Variants in FBXO41 observed in about 807,000 individuals in gnomAD.
The protein encoded by FBXO41 is F-box only protein 41.
FBXO41 carries 33 observed loss-of-function variants against 81.6 expected under a neutral mutation model. That is an observed-to-expected ratio of 0.40 (90% CI 0.31 to 0.54). FBXO41 has a LOEUF of 0.54. FBXO41 is among the 20% of genes least tolerant of loss of function. The pLI, the probability that FBXO41 is intolerant of heterozygous loss-of-function variation, is 0.39. For synonymous variants in FBXO41, 576 were observed against 552.7 expected, an observed-to-expected ratio of 1.04 and a Z score of -0.59; for missense variants, 1,107 against 1,236.0, an observed-to-expected ratio of 0.90 and a Z score of 1.56.
chr2:73,281,202 G>T (rs754858692), intron 1 of FBXO41, among the ~76,000 whole-genome samples: 13 of 152,174 alleles, frequency 8.5e-5, no homozygotes, highest in Admixed American at 2.0e-4. Flanking sequence ...TGTGCCATTA[G>T]GGTGCCTGTA....
At chr2:73,267,361 C>T (rs978045098) in intron 2 of FBXO41, among the ~76,000 whole-genome samples, 6 of 152,166 alleles carry the variant, frequency 3.9e-5, no homozygotes, top group Non-Finnish European at 8.8e-5. Flanking sequence ...TAAGTCACAT[C>T]AACCCACAGA....
At position 73,266,068 on chromosome 2, in the gene FBXO41, GGGAGA is replaced by G; in HGVS notation, c.1132-107_1132-103del. ...AGGGCAAAAGATGGAGAGGAGATGGGGGAGAGGAGAGAGAAGGGAAAATAGTTGGG... is the reference window on the plus strand; with the variant it reads ...AGGGCAAAAGATGGAGAGGAGATGGGGGAGAGAGAAGGGAAAATAGTTGGG... On this transcript the variant is annotated intron_variant, in intron 3 of 12. Transcript: ENST00000520530. This position sits in a 1 kb window ranked among gnomAD's most constrained non-coding sequence, Gnocchi z 5.3. 9.8e-7 allele frequency: 1 copy of G among 1,022,096 alleles called. No homozygotes were observed. The highest frequency in any genetic ancestry group is 1.5e-6 in the Non-Finnish European group (1 of 677,634). The allele number at this position is 1,022,096 out of a possible 1,614,324, so 63.3% of individuals were successfully genotyped here.
chr2:73,274,885 T>C (rs1055282115), intron 1 of FBXO41, among the ~76,000 whole-genome samples: 3 of 151,532 alleles, frequency 2.0e-5, no homozygotes, highest in Admixed American at 2.0e-4. Context: ...ATTTTTTTTT[T>C]CTTTTTTTTT....
chr2:73,276,020 A>G (rs1284354698), intron 1 of FBXO41, among the ~76,000 whole-genome samples: 2 of 151,250 alleles, frequency 1.3e-5, no homozygotes, highest in African/African-American at 2.4e-5. Context: ...TCTTGACCTC[A>G]GGTGATCCAC....
At chr2:73,277,694 A>G (rs1421472066) in intron 1 of FBXO41, among the ~76,000 whole-genome samples, 1 of 152,096 alleles carries the variant, frequency 6.6e-6, no homozygotes, top group East Asian at 1.9e-4. Flanking sequence ...TACCTCTTCA[A>G]ACAAGACCAA....
rs144578216 is a variant in FBXO41, at chr2:73,276,403, A to G, written c.-138-6635T>C. The stretch of plus-strand genomic sequence containing the variant: ...GCCTGGGCAACAAGAGCAAAACTCC[A>G]TCTCAAAAAAAGACAAAAAAAATGG... On this transcript the variant is annotated intron_variant, in intron 1 of 12. Transcript: ENST00000520530. Among the ~76,000 whole-genome samples the G allele has an allele frequency of 8.4e-3, 1,279 of 151,838 alleles. 29 individuals are homozygous for G. The highest frequency in any genetic ancestry group is 0.029 in the African/African-American group (1,189 of 41,256).
intron 1 of FBXO41, among the ~76,000 whole-genome samples, chr2:73,274,202 T>C (rs1183225051): frequency 6.6e-6 from 1 of 152,236 alleles, no homozygotes; most frequent in Non-Finnish European, 1.5e-5. Context: ...GCCCCTGTGC[T>C]CTTGCCAATT....
In FBXO41 at chr2:73,260,080, G is replaced by A. The variant is rs1011866887; in HGVS notation, c.2449+309C>T. Among the ~76,000 whole-genome samples, 3 of 151,994 alleles carry A rather than the reference G, an allele frequency of 2.0e-5. No homozygotes were observed. Among genetic ancestry groups the A allele is most frequent in the African/African-American group, 7.3e-5 (3 of 41,346 alleles). On this transcript the variant is annotated intron_variant, in intron 11 of 12. Transcript: ENST00000520530. The surrounding 1 kb of genome is among the most constrained non-coding windows in gnomAD (Gnocchi z 5.0). ...AGTCTTCACCCTGAGAACTGTCCTT[G>A]GGGGGGCTTCCATATATCATCTCAT...
Position 73,268,731 on chromosome 2 carries a change from C to T in FBXO41, c.900G>A (p.Lys300=), listed in dbSNP as rs1012357827. Reference sequence around the variant, plus strand: ...GGCCCCGAGGGTCTACTCACTGCTGCTTGCGGCTCAGCTCCTGTTCCTTGT... The same window carrying T: ...GGCCCCGAGGGTCTACTCACTGCTGTTTGCGGCTCAGCTCCTGTTCCTTGT... ...LVHKEQELSR[K]QQEVVQIDQF... is the part of the protein sequence containing the mutation. The change falls in exon 2 of 13, where the codon AAG becomes AAA. Residue 300 remains lysine (K), a synonymous_variant. Transcript: ENST00000520530. 1.4e-5 allele frequency: 21 copies of T among 1,539,154 alleles called. No individual in the cohort carries two copies. The highest frequency in any genetic ancestry group is 1.8e-5 in the Non-Finnish European group (21 of 1,137,786).
chr2:73,278,081 AGTT>A (rs1688746706), intron 1 of FBXO41, among the ~76,000 whole-genome samples: 1 of 152,100 alleles, frequency 6.6e-6, no homozygotes, highest in South Asian at 2.1e-4. Flanking sequence ...CTCTATTGGG[AGTT>A]TATATGAAAG....
At chr2:73,275,344 G>A (rs1688656612) in intron 1 of FBXO41, among the ~76,000 whole-genome samples, 1 of 151,944 alleles carries the variant, frequency 6.6e-6, no homozygotes, top group Non-Finnish European at 1.5e-5. Flanking sequence ...CACCACACGT[G>A]GCTAATTTTT....
In FBXO41 at chr2:73,260,558, G is replaced by A. The variant is rs767480644; in HGVS notation, c.2291-11C>T. ...GCATGCAGTTTCTCGCTAGGAAGAG[G>A]AAGAAGGGGGATCCTGCTGACACAC... On this transcript the variant is annotated splice_polypyrimidine_tract_variant and intron_variant, in intron 10 of 12. Transcript: ENST00000520530. This position sits in a 1 kb window ranked among gnomAD's most constrained non-coding sequence, Gnocchi z 5.0. The A allele has an allele frequency of 1.3e-6, 2 of 1,579,042 alleles. No homozygotes were observed. Among genetic ancestry groups the A allele is most frequent in the East Asian group, 4.7e-5 (2 of 42,768 alleles).
rs753022819 is a variant in FBXO41, at chr2:73,266,555, C to A, written c.1033G>T (p.Val345Phe). 4 of 1,609,532 alleles carry A rather than the reference C, an allele frequency of 2.5e-6. No homozygotes were observed. In the South Asian group the frequency reaches 3.3e-5, roughly 13 times the overall value. ...RADRAERQLQVISSSCGSTPS... is the reference protein window; with the variant it reads ...RADRAERQLQFISSSCGSTPS... ...GTGCTGCCACAGCTGCTGCTGATGA[C>A]CTGCAGCTGCCGCTCGGCACGGTCA... Residue 345 changes from valine to phenylalanine, a missense_variant, in exon 3 of 13, where the codon GTC becomes TTC. Around this residue, in one of 2 missense-constraint regions of FBXO41, gnomAD observed 771 missense variants for 789.2 expected, o/e 0.98. Transcript: ENST00000520530. This position sits in a 1 kb window ranked among gnomAD's most constrained non-coding sequence, Gnocchi z 5.3.
Position 73,269,451 on chromosome 2 carries a change from AGCGGCGGCGGCGGCCGCGGCG to A in FBXO41, c.159_179del (p.Ala55_Ala61del), listed in dbSNP as rs772139447. ...CGGGAGCCAGCGGGAACCCCGAGGC[AGCGGCGGCGGCGGCCGCGGCG>A]GCGGCGGCGCCGTCGCAGATGCTGT... On this transcript the variant is annotated inframe_deletion, in exon 2 of 13. Transcript: ENST00000520530. This position sits in a 1 kb window ranked among gnomAD's most constrained non-coding sequence, Gnocchi z 7.0. 1.7e-4 allele frequency: 216 copies of A among 1,291,676 alleles called. 17 individuals are homozygous for A. In the Admixed American group the frequency reaches 4.1e-3, roughly 24 times the overall value. 80.0% of individuals were successfully genotyped at this position (1,291,676 alleles called of 1,614,324 possible). A position where few individuals can be genotyped will look rare whatever the true frequency, so the allele number is the denominator to read the frequency against.
At position 73,266,012 on chromosome 2, in the gene FBXO41, C is replaced by G; in HGVS notation, c.1132-46G>C. The G allele has an allele frequency of 6.6e-7, 1 of 1,520,072 alleles. No individual in the cohort carries two copies. The highest frequency in any genetic ancestry group is 8.9e-7 in the Non-Finnish European group (1 of 1,118,916). The allele number at this position is 1,520,072 out of a possible 1,614,324, so 94.2% of individuals were successfully genotyped here. A position where few individuals can be genotyped will look rare whatever the true frequency, so the allele number is the denominator to read the frequency against. On this transcript the variant is annotated intron_variant, in intron 3 of 12. Coordinates refer to ENST00000520530, the MANE Select transcript of FBXO41 (RefSeq NM_001371389.2). This position sits in a 1 kb window ranked among gnomAD's most constrained non-coding sequence, Gnocchi z 5.3. ...AGGTAAAGGAGAGGGGCGGAGGAGG[C>G]AAGAGGATGAGCAGGAATAGCAGGG...
At position 73,260,407 on chromosome 2, in the gene FBXO41, C is replaced by T. The variant is rs1460230895; in HGVS notation, c.2431G>A (p.Ala811Thr). The T allele has an allele frequency of 1.2e-6, 2 of 1,612,706 alleles. No homozygotes were observed. The highest frequency in any genetic ancestry group is 1.7e-5 in the Admixed American group (1 of 59,872). The change falls in exon 11 of 13, where the codon GCC becomes ACC. Residue 811 changes from alanine to threonine, a missense_variant. Physicochemically the swap from Ala to Thr is moderately conservative, Grantham distance 58. This residue lies in a region of FBXO41 where 336 missense variants were observed against 446.7 expected (regional missense o/e 0.75). Coordinates refer to ENST00000520530, the MANE Select transcript of FBXO41 (RefSeq NM_001371389.2). This position sits in a 1 kb window ranked among gnomAD's most constrained non-coding sequence, Gnocchi z 5.0. ...TGCTCACTGTTGAAGTGCAGTAGGG[C>T]CTTAGGGGTGACGGGAGTCGCCGTG... ...VLTATPVTPKALLHFNSICRN... is the reference protein window; with the variant it reads ...VLTATPVTPKTLLHFNSICRN...
chr2:73,284,030 C>T lies in FBXO41; in HGVS notation c.-139+130G>A, dbSNP rs112990532. 14,807 of 152,410 alleles carry T rather than the reference C, an allele frequency of 0.097. 1,874 individuals are homozygous for T. The highest frequency in any genetic ancestry group is 0.29 in the African/African-American group (11,996 of 41,556). The allele number at this position is 152,410 out of a possible 1,614,324, so 9.4% of individuals were successfully genotyped here. A position where few individuals can be genotyped will look rare whatever the true frequency, so the allele number is the denominator to read the frequency against. On this transcript the variant is annotated intron_variant, in intron 1 of 12. Coordinates refer to ENST00000520530, the MANE Select transcript of FBXO41 (RefSeq NM_001371389.2). The surrounding 1 kb of genome is among the most constrained non-coding windows in gnomAD (Gnocchi z 7.4). ...GTCTGGCCTGCCCAGAATCCCTCCC[C>T]GTTGGGCGGCCTCGCGGGCCTCCGG...
At chr2:73,271,082 A>G in intron 1 of FBXO41, 1 of 380,498 alleles carries the variant, frequency 2.6e-6, no homozygotes, top group South Asian at 2.0e-5. Flanking sequence ...GGAGCCCTCC[A>G]TCTCTATTCT....
At chr2:73,263,542 G>T (rs890817253) in intron 8 of FBXO41, 136 bp downstream of exon 8, 6 of 1,170,174 alleles carry the variant, frequency 5.1e-6, no homozygotes, top group Non-Finnish European at 7.2e-6. Flanking sequence ...CTCTTGCCAA[G>T]GCTTCCTTTC....
Sources: gnomAD v4.1 joint callset for allele counts (sites outside exome capture counted in the v4.1 genomes callset) on GRCh38, gnomAD v4.1.1 for gene constraint, gnomAD v4.1.1 regional missense constraint, Gnocchi (gnomAD v3.1) non-coding constraint, MANE v1.5 for transcripts, NCBI Gene and HGNC (gene_info 2026-07-23, HGNC 2026-07-21) for gene names.